The following KIAA1217 variants were observed in gnomAD, a reference collection of about 807,000 sequenced individuals.
KIAA1217 encodes the protein KIAA1217, also known as sickle tail protein homolog.
In KIAA1217, 88 loss-of-function variants were observed where a neutral mutation model predicts 163.9. The ratio of observed to expected loss-of-function variants is 0.54; its 90% CI spans 0.45 to 0.64. KIAA1217 has a LOEUF of 0.64. Among genes scored for constraint, KIAA1217 ranks in the 30% least tolerant of loss-of-function variants. The probability of loss-of-function intolerance (pLI) is 0.00; values close to 1 mark genes in which losing one functional copy is unlikely to be tolerated. For synonymous variants in KIAA1217, 903 were observed against 923.1 expected, an observed-to-expected ratio of 0.98 and a Z score of 0.39; for missense variants, 2,372 against 2,475.0, an observed-to-expected ratio of 0.96 and a Z score of 0.88.
chr10:24,095,816 T>C (rs1291787176), intron 2 of KIAA1217, among the ~76,000 whole-genome samples: 3 of 152,134 alleles, frequency 2.0e-5, no homozygotes, highest in African/African-American at 7.2e-5. Context: ...TGTCCAAAAC[T>C]AAACTTGCAC....
At chr10:24,000,368 G>T (rs1377315721) in intron 1 of KIAA1217, among the ~76,000 whole-genome samples, 1 of 152,070 alleles carries the variant, frequency 6.6e-6, no homozygotes, top group Non-Finnish European at 1.5e-5. Flanking sequence ...TTTTATAAGG[G>T]GTTTTTCCCC....
At chr10:23,944,153 G>A (rs762100856) in intron 1 of KIAA1217, among the ~76,000 whole-genome samples, 33 of 152,166 alleles carry the variant, frequency 2.2e-4, no homozygotes, top group Non-Finnish European at 3.7e-4. Context: ...GGCCGGGCAC[G>A]GTGGCTCATG....
At chr10:24,247,926 T>C (rs1056103667) in intron 2 of KIAA1217, among the ~76,000 whole-genome samples, 3 of 152,250 alleles carry the variant, frequency 2.0e-5, no homozygotes, top group Admixed American at 6.5e-5. Flanking sequence ...ATCATATGCA[T>C]ATAACATTTT....
At position 24,332,325 on chromosome 10, in the gene KIAA1217, C is replaced by G. The variant is rs1332009249; in HGVS notation, c.355-48544C>G. Among the ~76,000 whole-genome samples, 3 of 152,034 alleles carry G rather than the reference C, an allele frequency of 2.0e-5. No homozygotes were observed. In the South Asian group the frequency reaches 6.2e-4, roughly 32 times the overall value. On this transcript the variant is annotated intron_variant, in intron 2 of 20. Transcript: ENST00000376454. ...AATGATTGCCTCATGGAACACCCAG[C>G]GTAGAGAGAATATAGAACTAGAAAA...
intron 1 of KIAA1217, among the ~76,000 whole-genome samples, chr10:23,877,709 T>C (rs1413807663): frequency 6.6e-6 from 1 of 152,026 alleles, no homozygotes; most frequent in Non-Finnish European, 1.5e-5. Context: ...AAATGTTCAC[T>C]CTCAAAAGCT....
chr10:23,865,109 T>C (rs1840124275), intron 1 of KIAA1217, among the ~76,000 whole-genome samples: 1 of 152,126 alleles, frequency 6.6e-6, no homozygotes, highest in African/African-American at 2.4e-5. Flanking sequence ...ACCACCACAG[T>C]GTATTTCTTT....
rs1591147738 is a variant in KIAA1217 at position 24,343,232 on chromosome 10, T to C, written c.355-37637T>C. 2.0e-5 allele frequency among the ~76,000 whole-genome samples: 3 copies of C among 152,236 alleles called. 1 individual carries two copies. Among genetic ancestry groups the C allele is most frequent in the Non-Finnish European group, 4.4e-5 (3 of 68,050 alleles). On this transcript the variant is annotated intron_variant, in intron 2 of 20. Transcript: ENST00000376454. The stretch of plus-strand genomic sequence containing the variant: ...ATCTTACCAGAAATGTTAGACCTAT[T>C]TGGATATATATAATATTCTGCAACA...
At chr10:23,855,652 T>C (rs1839616847) in intron 1 of KIAA1217, among the ~76,000 whole-genome samples, 1 of 152,238 alleles carries the variant, frequency 6.6e-6, no homozygotes, top group Non-Finnish European at 1.5e-5. Flanking sequence ...GGTACACCAA[T>C]CAGACGTAGA....
chr10:23,819,355 T>C (rs1837511758), intron 1 of KIAA1217, among the ~76,000 whole-genome samples: 1 of 152,118 alleles, frequency 6.6e-6, no homozygotes. Context: ...TCTCTACCTC[T>C]TCTCCTTCTG....
At chr10:23,871,365 A>G (rs1312707863) in intron 1 of KIAA1217, among the ~76,000 whole-genome samples, 1 of 152,012 alleles carries the variant, frequency 6.6e-6, no homozygotes, top group Non-Finnish European at 1.5e-5. Context: ...TCTGCAGACA[A>G]ACCACATGTG....
intron 1 of KIAA1217, among the ~76,000 whole-genome samples, chr10:23,763,454 C>T (rs1287681593): frequency 6.6e-6 from 1 of 152,102 alleles, no homozygotes; most frequent in Non-Finnish European, 1.5e-5. Flanking sequence ...CCAGAAATAA[C>T]ACCACACATT....
chr10:24,459,109 T>G (rs1335071689), intron 5 of KIAA1217, among the ~76,000 whole-genome samples: 1 of 152,010 alleles, frequency 6.6e-6, no homozygotes, highest in East Asian at 1.9e-4. Flanking sequence ...CATCTGAGAG[T>G]TGGAGAACCA....
chr10:23,907,292 TTG>T (rs146002283), intron 1 of KIAA1217, among the ~76,000 whole-genome samples: 146 of 144,960 alleles, frequency 1.0e-3, no homozygotes, highest in Non-Finnish European at 1.1e-3. Context: ...CCAATATGAT[TTG>T]TGTGTGTGTG....
chr10:23,756,613 C>G (rs576146755), intron 1 of KIAA1217, among the ~76,000 whole-genome samples: 1 of 151,942 alleles, frequency 6.6e-6, no homozygotes, highest in East Asian at 1.9e-4. Context: ...CATAAAGGGA[C>G]GATAGTTTTA....
At chr10:23,855,744 C>A (rs541199632) in intron 1 of KIAA1217, among the ~76,000 whole-genome samples, 1 of 152,112 alleles carries the variant, frequency 6.6e-6, no homozygotes, top group East Asian at 1.9e-4. Flanking sequence ...CTTTCCTTCT[C>A]GCTTCATTTC....
At chr10:24,434,005 CT>C (rs2059807253) in intron 4 of KIAA1217, among the ~76,000 whole-genome samples, 1 of 145,132 alleles carries the variant, frequency 6.9e-6, no homozygotes, top group South Asian at 2.3e-4. Flanking sequence ...GCATCTCTCT[CT>C]CCCTCTCTCT....
intron 1 of KIAA1217, among the ~76,000 whole-genome samples, chr10:23,916,859 C>CCTG (rs1157476809): frequency 6.6e-6 from 1 of 150,402 alleles, no homozygotes; most frequent in East Asian, 2.0e-4. Flanking sequence ...GTAATTCCAG[C>CCTG]TACACGGGAG....
intron 4 of KIAA1217, among the ~76,000 whole-genome samples, chr10:24,434,778 A>T (rs1351953926): frequency 6.6e-6 from 1 of 152,190 alleles, no homozygotes; most frequent in Non-Finnish European, 1.5e-5. Flanking sequence ...ACATTTTAGA[A>T]CTCCACAGAT....
intron 2 of KIAA1217, among the ~76,000 whole-genome samples, chr10:24,058,992 A>C (rs2060623117): frequency 2.0e-5 from 3 of 152,096 alleles, no homozygotes; most frequent in African/African-American, 7.2e-5. Context: ...AGTTTTCACC[A>C]TTGAGTATGA....
Sources: gnomAD v4.1 joint callset for allele counts (sites outside exome capture counted in the v4.1 genomes callset) on GRCh38, gnomAD v4.1.1 for gene constraint, MANE v1.5 for transcripts, NCBI Gene and HGNC (gene_info 2026-07-23, HGNC 2026-07-21) for gene names.